AUTS2: variants seen among roughly 807,000 people sequenced by gnomAD.
The protein encoded by AUTS2 is activator of transcription and developmental regulator AUTS2.
In AUTS2, 17 loss-of-function variants were observed where a neutral mutation model predicts 112.4. The ratio of observed to expected loss-of-function variants is 0.15; its 90% CI spans 0.10 to 0.23. AUTS2 has a LOEUF of 0.23. AUTS2 is among the 10% of genes least tolerant of loss of function. The probability of loss-of-function intolerance (pLI) is 1.00; values close to 1 mark genes in which losing one functional copy is unlikely to be tolerated. For missense variants in AUTS2, 1,510 were observed against 1,701.6 expected, an observed-to-expected ratio of 0.89 and a Z score of 1.98; for synonymous variants, 751 against 702.7, an observed-to-expected ratio of 1.07 and a Z score of -1.09.
chr7:69,803,559 T>TTACAGAA lies in AUTS2; in HGVS notation c.310-95726_310-95720dup, dbSNP rs138702108. On this transcript the variant is annotated intron_variant, in intron 1 of 18. Coordinates refer to ENST00000342771, the MANE Select transcript of AUTS2 (RefSeq NM_015570.4). ...AAAAAGTCCTTGTAGTTGTTAACAG[T>TTACAGAA]TACAGAAAATATAACCTGAAGACTT... 2.9e-3 allele frequency among the ~76,000 whole-genome samples: 443 copies of TTACAGAA among 150,738 alleles called. 4 individuals are homozygous for TTACAGAA. Among genetic ancestry groups the TTACAGAA allele is most frequent in the African/African-American group, 0.01 (429 of 41,100 alleles).
chr7:70,676,393 C>T (rs1380815620), intron 5 of AUTS2, among the ~76,000 whole-genome samples: 1 of 152,048 alleles, frequency 6.6e-6, no homozygotes, highest in African/African-American at 2.4e-5. Context: ...GATGGCATCA[C>T]TGCACTCCAG....
intron 5 of AUTS2, among the ~76,000 whole-genome samples, chr7:70,667,774 G>A (rs1289463312): frequency 6.6e-6 from 1 of 152,176 alleles, no homozygotes; most frequent in African/African-American, 2.4e-5. Flanking sequence ...TTAGTTTTTA[G>A]CATTACCAAA....
At chr7:70,395,422 A>G (rs569016174) in intron 4 of AUTS2, among the ~76,000 whole-genome samples, 103 of 152,348 alleles carry the variant, frequency 6.8e-4, no homozygotes, top group African/African-American at 2.5e-3. Context: ...TTCAAAGCCT[A>G]TGCTCTATTC....
In AUTS2 at chr7:70,568,900, A is replaced by T. The variant is rs559636321; in HGVS notation, c.691-129669A>T. On this transcript the variant is annotated intron_variant, in intron 5 of 18. Coordinates refer to ENST00000342771, the MANE Select transcript of AUTS2 (RefSeq NM_015570.4). ...AGGGTTACTTTCTGTGGCTGTTGAC[A>T]AATTTTTAGACATCCCAGTTTTATC... Among the ~76,000 whole-genome samples, 13 of 152,336 alleles carry T rather than the reference A, an allele frequency of 8.5e-5. No individual in the cohort carries two copies. The South Asian group carries it at 2.7e-3, about 32-fold the overall frequency.
At chr7:70,323,738 C>T (rs1790360353) in intron 4 of AUTS2, among the ~76,000 whole-genome samples, 1 of 152,192 alleles carries the variant, frequency 6.6e-6, no homozygotes, top group Non-Finnish European at 1.5e-5. Flanking sequence ...ATTTGTACCA[C>T]ATTTAATTTC....
intron 2 of AUTS2, among the ~76,000 whole-genome samples, chr7:70,007,721 G>A (rs910760341): frequency 1.3e-5 from 2 of 152,128 alleles, no homozygotes; most frequent in African/African-American, 4.8e-5. Flanking sequence ...GTGAAGCTGG[G>A]ATTTGAACCC....
chr7:69,895,475 A>T (rs1379131709), intron 1 of AUTS2, among the ~76,000 whole-genome samples: 1 of 151,274 alleles, frequency 6.6e-6, no homozygotes, highest in Non-Finnish European at 1.5e-5. Context: ...GTTGTTATAG[A>T]CTCTTCATTT....
chr7:69,909,207 T>G (rs973298897), intron 2 of AUTS2, among the ~76,000 whole-genome samples: 1 of 152,260 alleles, frequency 6.6e-6, no homozygotes, highest in Non-Finnish European at 1.5e-5. Flanking sequence ...TCTTCCAAAA[T>G]GTATTGGCAA....
intron 2 of AUTS2, among the ~76,000 whole-genome samples, chr7:69,924,846 C>T (rs927635146): frequency 1.7e-4 from 26 of 152,178 alleles, no homozygotes; most frequent in African/African-American, 5.8e-4. Context: ...CCACCAGGCC[C>T]GGCCTGTTAT....
At chr7:69,779,094 G>A (rs1789031236) in intron 1 of AUTS2, among the ~76,000 whole-genome samples, 1 of 129,146 alleles carries the variant, frequency 7.7e-6, no homozygotes, top group African/African-American at 3.0e-5. Flanking sequence ...GTCTTGCTAT[G>A]TTGCCAAGGC....
intron 2 of AUTS2, among the ~76,000 whole-genome samples, chr7:70,022,170 G>A (rs1265254397): frequency 6.6e-6 from 1 of 150,662 alleles, no homozygotes; most frequent in Admixed American, 6.7e-5. Flanking sequence ...AAAGGAGAGA[G>A]TTGTTAGTAA....
At chr7:70,050,249 C>G (rs988689089) in intron 2 of AUTS2, among the ~76,000 whole-genome samples, 1 of 143,214 alleles carries the variant, frequency 7.0e-6, no homozygotes, top group South Asian at 2.2e-4. Flanking sequence ...CCCAGCTACT[C>G]AGGAGGCTGA....
At chr7:70,249,338 A>C (rs1302801540) in intron 4 of AUTS2, among the ~76,000 whole-genome samples, 1 of 152,136 alleles carries the variant, frequency 6.6e-6, no homozygotes, top group African/African-American at 2.4e-5. Flanking sequence ...AATATGTGTC[A>C]TCAACCACGC....
At chr7:69,602,659 A>G (rs1792499295) in intron 1 of AUTS2, among the ~76,000 whole-genome samples, 2 of 152,246 alleles carry the variant, frequency 1.3e-5, no homozygotes, top group Non-Finnish European at 2.9e-5. Flanking sequence ...GCACAGCAGT[A>G]TTATCACACT....
intron 5 of AUTS2, among the ~76,000 whole-genome samples, chr7:70,472,444 G>A (rs1377443454): frequency 6.7e-6 from 1 of 149,892 alleles, no homozygotes; most frequent in Non-Finnish European, 1.5e-5. Flanking sequence ...GCTTTCTAAA[G>A]CCAAGAGCTC....
At chr7:69,910,258 G>T (rs899872717) in intron 2 of AUTS2, among the ~76,000 whole-genome samples, 1 of 152,180 alleles carries the variant, frequency 6.6e-6, no homozygotes, top group African/African-American at 2.4e-5. Flanking sequence ...ATCCTCTGTG[G>T]CAGGGGTACC....
chr7:70,188,260 C>G (rs1252256747), intron 4 of AUTS2, among the ~76,000 whole-genome samples: 1 of 152,204 alleles, frequency 6.6e-6, no homozygotes, highest in Non-Finnish European at 1.5e-5. Context: ...TATCATTCCA[C>G]AGCTGTTCCT....
At chr7:70,530,494 A>G (rs955048625) in intron 5 of AUTS2, among the ~76,000 whole-genome samples, 5 of 152,140 alleles carry the variant, frequency 3.3e-5, no homozygotes, top group African/African-American at 1.2e-4. Context: ...TGCGGCACAG[A>G]TAGAAACCTT....
At chr7:70,005,624 AG>A (rs1338906763) in intron 2 of AUTS2, among the ~76,000 whole-genome samples, 1 of 151,984 alleles carries the variant, frequency 6.6e-6, no homozygotes, top group Non-Finnish European at 1.5e-5. Flanking sequence ...GAAGTTTGGG[AG>A]GTGTACGGGA....
Sources: allele counts gnomAD v4.1 joint callset (sites outside exome capture counted in the v4.1 genomes callset), GRCh38; gene constraint gnomAD v4.1.1; transcripts MANE v1.5; gene names NCBI Gene and HGNC (gene_info 2026-07-23, HGNC 2026-07-21).